KDM5D: variants seen among roughly 807,000 people sequenced by gnomAD.
KDM5D encodes lysine-specific demethylase 5D.
A neutral mutation model predicts 31.9 loss-of-function variants in KDM5D; 25 were observed. That is an observed-to-expected ratio of 0.78 (90% CI 0.57 to 1.09). The LOEUF (loss-of-function observed/expected upper bound fraction) is 1.09, where lower values mean the gene tolerates loss of function less well. Ranked by LOEUF, KDM5D falls within the 50% of genes least tolerant of loss-of-function variation. KDM5D has a pLI of 0.00. For synonymous variants in KDM5D, 146 were observed against 122.3 expected (o/e 1.19, Z -1.28); for missense variants, 366 against 341.6 (o/e 1.07, Z -0.56).
intron 11 of KDM5D, among the ~76,000 whole-genome samples, chrY:19,727,937 A>T: frequency 3.1e-5 from 1 of 31,984 alleles, no homozygotes. Flanking sequence ...CAAAAGAATT[A>T]AAAAAAAATG....
At chrY:19,740,322 A>G in intron 5 of KDM5D, among the ~76,000 whole-genome samples, 1 of 33,056 alleles carries the variant, frequency 3.0e-5, no homozygotes, top group Non-Finnish European at 7.4e-5. Flanking sequence ...TAATCCCAAC[A>G]CTTTGGAAGG....
chrY:19,740,607 C>A, intron 5 of KDM5D, among the ~76,000 whole-genome samples: 1 of 33,637 alleles, frequency 3.0e-5, no homozygotes, highest in Non-Finnish European at 7.4e-5. Flanking sequence ...AGTTTCCACA[C>A]CCTGAGTTAA....
intron 11 of KDM5D, among the ~76,000 whole-genome samples, chrY:19,729,214 C>T (rs1603545951): frequency 1.1e-4 from 3 of 27,829 alleles, no homozygotes; most frequent in Non-Finnish European, 2.6e-4. Flanking sequence ...GACTGCGTCT[C>T]AAAAAAAAAT....
Position 19,710,369 on chromosome Y carries a change from T to C in KDM5D, c.2583+7A>G. 1 of 382,582 alleles carries C rather than the reference T, an allele frequency of 2.6e-6. No individual in the cohort carries two copies. Among genetic ancestry groups the C allele is most frequent in the Non-Finnish European group, 3.7e-6 (1 of 273,391 alleles). ...CAAGAATTCCACCTTTCCAGGCCCC[T>C]CCTTACCTTGACATCCCCAATCTGA... On this transcript the variant is annotated splice_region_variant and intron_variant, in intron 19 of 26. Coordinates refer to ENST00000317961, the MANE Select transcript of KDM5D (RefSeq NM_004653.5).
At chrY:19,722,610 T>C in intron 11 of KDM5D, 2 of 30,774 alleles carry the variant, frequency 6.5e-5, no homozygotes, top group African/African-American at 2.6e-4. Flanking sequence ...ACCTACAGAA[T>C]GGAAAAATGT....
chrY:19,709,407 G>T (rs1442126269), intron 20 of KDM5D, 44 bp downstream of exon 20: 1 of 394,365 alleles, frequency 2.5e-6, no homozygotes, highest in South Asian at 3.0e-5. Context: ...CCAAAACTTT[G>T]AGGATTATAG....
At chrY:19,740,468 G>A in intron 5 of KDM5D, among the ~76,000 whole-genome samples, 1 of 32,894 alleles carries the variant, frequency 3.0e-5, no homozygotes, top group Non-Finnish European at 7.4e-5. Flanking sequence ...GGAGGCTGAG[G>A]CAGGAGAATC....
intron 5 of KDM5D, 77 bp downstream of exon 5, chrY:19,741,241 G>C (rs1603546068): frequency 3.8e-6 from 1 of 263,255 alleles, no homozygotes; most frequent in Non-Finnish European, 5.9e-6. Context: ...CTACTCAAGA[G>C]AAAAGTCCAA....
intron 2 of KDM5D, among the ~76,000 whole-genome samples, chrY:19,744,114 G>A (rs2045580018): frequency 5.9e-5 from 2 of 33,643 alleles, no homozygotes; most frequent in African/African-American, 2.3e-4. Flanking sequence ...GCTTGTGTAT[G>A]CCTAAACTAT....
Position 19,744,409 on chromosome Y carries a change from G to A in KDM5D, c.126C>T (p.Gly42=). 2.6e-6 allele frequency: 1 copy of A among 391,285 alleles called. No homozygotes were observed. The highest frequency in any genetic ancestry group is 3.1e-5 in the South Asian group (1 of 32,589). Residue 42 remains glycine (G), a synonymous_variant, in exon 2 of 27, where the codon GGC becomes GGT. Transcript: ENST00000317961. ...CCGCGGGTGGGCGGATTTTGCAGAT[G>A]CCAGACTTCTCTGCTATGGGCCTTA... ...AKIRPIAEKS[G]ICKIRPPADW... is the part of the protein sequence containing the mutation.
At position 19,709,679 on chromosome Y, in the gene KDM5D, G is replaced by A; in HGVS notation, c.2714C>T (p.Ala905Val). The change falls in exon 20 of 27, where the codon GCC becomes GTC. Residue 905 changes from alanine (A) to valine (V), a missense_variant. Transcript: ENST00000317961. ...GQQLGVEVPE[A>V]HQLQQQVEQA... ...CTCCACCTGCTGCTGAAGCTGATGG[G>A]CTTCAGGCACCTCTACACCCAGCTG... 1 of 397,901 alleles carries A rather than the reference G, an allele frequency of 2.5e-6. No individual in the cohort carries two copies. The highest frequency in any genetic ancestry group is 3.5e-6 in the Non-Finnish European group (1 of 283,110).
At position 19,706,159 on chromosome Y, in the gene KDM5D, T is replaced by C; in HGVS notation, c.4456A>G (p.Lys1486Glu). Reference sequence around the variant, plus strand: ...AGGAACATATTTTCACGGTCTGCTTTCTCCTGATAATGTTCTTCTTCTCGG... The same window carrying C: ...AGGAACATATTTTCACGGTCTGCTTCCTCCTGATAATGTTCTTCTTCTCGG... Reference protein sequence around the residue: ...VGREEEHYQEKADRENMFLTP... With the variant: ...VGREEEHYQEEADRENMFLTP... Residue 1486 changes from lysine to glutamate, a missense_variant, in exon 27 of 27, where the codon AAA (lysine) becomes GAA (glutamate). Coordinates refer to ENST00000317961, the MANE Select transcript of KDM5D (RefSeq NM_004653.5). The C allele has an allele frequency of 2.5e-6, 1 of 395,717 alleles. No individual in the cohort carries two copies. Among genetic ancestry groups the C allele is most frequent in the Non-Finnish European group, 3.5e-6 (1 of 282,077 alleles).
chrY:19,731,908 T>C lies in KDM5D; in HGVS notation c.1235A>G (p.Glu412Gly). 2.5e-6 allele frequency: 1 copy of C among 398,108 alleles called. No individual in the cohort carries two copies. Among genetic ancestry groups the C allele is most frequent in the Non-Finnish European group, 3.5e-6 (1 of 282,981 alleles). ...PVHMVPTELV[E>G]KEFWRLVSSI... is the part of the protein sequence containing the mutation. ...GCTCACCAGCCTCCAGAATTCCTTC[T>C]CTACAAGTTCTGTAGGCACCATCTG... Residue 412 changes from glutamate (E) to glycine (G), a missense_variant, in exon 11 of 27, where the codon GAG becomes GGG. Transcript: ENST00000317961.
chrY:19,732,000 G>C, intron 10 of KDM5D, 46 bp downstream of exon 10: 1 of 395,693 alleles, frequency 2.5e-6, no homozygotes, highest in Middle Eastern at 5.9e-4. Context: ...TGAGAACTAA[G>C]ACTACCACAA....
chrY:19,735,452 C>A lies in KDM5D; in HGVS notation c.833G>T (p.Gly278Val). 1 of 398,534 alleles carries A rather than the reference C, an allele frequency of 2.5e-6. No individual in the cohort carries two copies. Among genetic ancestry groups the A allele is most frequent in the Non-Finnish European group, 3.5e-6 (1 of 283,277 alleles). The change falls in exon 8 of 27, where the codon GGT (glycine) becomes GTT (valine). Residue 278 changes from glycine to valine, a missense_variant. Physicochemically the swap from Gly to Val is moderately radical, Grantham distance 109. Transcript: ENST00000317961. ...TVTVKDEQSG[G>V]GNVSSTLLKQ... is the part of the protein sequence containing the mutation. ...GAGCAATGTTGATGACACGTTCCCA[C>A]CTCCACTTTGCTCATCCTTCACCGT...
intron 5 of KDM5D, among the ~76,000 whole-genome samples, chrY:19,740,488 C>T (rs2045541525): frequency 6.1e-5 from 2 of 32,886 alleles, no homozygotes; most frequent in Non-Finnish European, 1.5e-4. Context: ...CACTTCAATC[C>T]AGGAGGTGGA....
At chrY:19,725,054 CAG>C in intron 11 of KDM5D, among the ~76,000 whole-genome samples, 1 of 33,200 alleles carries the variant, frequency 3.0e-5, no homozygotes, top group African/African-American at 1.2e-4. Context: ...TCAAGGAAAT[CAG>C]AGAGGACACA....
Position 19,708,090 on chromosome Y carries a change from C to A in KDM5D, c.3262-19G>T. 1 of 382,550 alleles carries A rather than the reference C, an allele frequency of 2.6e-6. No individual in the cohort carries two copies. The highest frequency in any genetic ancestry group is 3.6e-6 in the Non-Finnish European group (1 of 274,285). ...AAAGCACCTGAGGCAGGCAGGCAGACATACAGGAAATGACCAGGCTTCCCT... is the reference window on the plus strand; with the variant it reads ...AAAGCACCTGAGGCAGGCAGGCAGAAATACAGGAAATGACCAGGCTTCCCT... On this transcript the variant is annotated intron_variant, in intron 22 of 26. Coordinates refer to ENST00000317961, the MANE Select transcript of KDM5D (RefSeq NM_004653.5).
In KDM5D at chrY:19,705,055, T is replaced by C; in HGVS notation, c.*940A>G. ...GTCTACCCTGATGTAAGACTTATTA[T>C]AAAGCGACTGTAACCAAGACATTGT... On this transcript the variant is annotated 3_prime_UTR_variant, in exon 27 of 27. Coordinates refer to ENST00000317961, the MANE Select transcript of KDM5D (RefSeq NM_004653.5). 1 of 33,789 alleles carries C rather than the reference T, an allele frequency of 3.0e-5. No individual in the cohort carries two copies. 8.4% of individuals were successfully genotyped at this position (33,789 alleles called of 400,897 possible).
Sources: allele counts gnomAD v4.1 joint callset (sites outside exome capture counted in the v4.1 genomes callset), GRCh38; gene constraint gnomAD v4.1.1; transcripts MANE v1.5; gene names NCBI Gene and HGNC (gene_info 2026-07-23, HGNC 2026-07-21).